Variants in KIF26B observed in about 807,000 individuals in gnomAD.
The protein encoded by KIF26B is kinesin-like protein KIF26B.
Under a neutral mutation model 151.2 loss-of-function variants are expected in KIF26B, and 63 were observed. That is an observed-to-expected ratio of 0.42 (90% CI 0.34 to 0.51). The LOEUF (loss-of-function observed/expected upper bound fraction) is 0.51, where lower values mean the gene tolerates loss of function less well. Among genes scored for constraint, KIF26B ranks in the 20% least tolerant of loss-of-function variants. The pLI is 0.07. For missense variants in KIF26B, 2,813 were observed against 2,913.6 expected (o/e 0.97, Z 0.79); for synonymous variants, 1,357 against 1,262.1 (o/e 1.08, Z -1.59).
At chr1:245,435,805 G>T (rs1572060081) in intron 4 of KIF26B, among the ~76,000 whole-genome samples, 1 of 152,188 alleles carries the variant, frequency 6.6e-6, no homozygotes, top group Non-Finnish European at 1.5e-5. Flanking sequence ...CTTCCTGCTA[G>T]CCACTGCTCC....
chr1:245,169,337 GTGT>G lies in KIF26B; in HGVS notation c.465+12655_465+12657del, dbSNP rs1558331914. 2.0e-3 allele frequency among the ~76,000 whole-genome samples: 303 copies of G among 151,710 alleles called. 4 individuals carry two copies. Among genetic ancestry groups the G allele is most frequent in the Middle Eastern group, 3.4e-3 (1 of 294 alleles). On this transcript the variant is annotated intron_variant, in intron 2 of 14. Transcript: ENST00000407071. ...CTTTCTAACGGGCCATGGTGTGTGTGTGTGTGTGTGTGTGTGTGTGTGTGTGCG... is the reference window on the plus strand; with the variant it reads ...CTTTCTAACGGGCCATGGTGTGTGTGGTGTGTGTGTGTGTGTGTGTGTGCG...
chr1:245,356,388 T>G (rs1315177947), intron 2 of KIF26B, among the ~76,000 whole-genome samples: 1 of 152,066 alleles, frequency 6.6e-6, no homozygotes, highest in Non-Finnish European at 1.5e-5. Context: ...AAACTCCGTC[T>G]CTACTAAAAG....
intron 4 of KIF26B, among the ~76,000 whole-genome samples, chr1:245,485,922 T>C (rs1248636811): frequency 6.6e-6 from 1 of 152,224 alleles, no homozygotes; most frequent in East Asian, 1.9e-4. Context: ...TCTTGGTCAA[T>C]AGTCAGTTTG....
At chr1:245,623,485 A>T (rs58710065) in intron 9 of KIF26B, among the ~76,000 whole-genome samples, 1 of 152,166 alleles carries the variant, frequency 6.6e-6, no homozygotes, top group Non-Finnish European at 1.5e-5. Context: ...CGATCCATTC[A>T]TCTCTTGATG....
chr1:245,213,544 T>C (rs746906839), intron 2 of KIF26B, among the ~76,000 whole-genome samples: 1 of 151,950 alleles, frequency 6.6e-6, no homozygotes, highest in Admixed American at 6.6e-5. Context: ...GGAAGAGAGA[T>C]GGGAGGACAG....
At chr1:245,290,290 A>G (rs1671234828) in intron 2 of KIF26B, among the ~76,000 whole-genome samples, 1 of 152,196 alleles carries the variant, frequency 6.6e-6, no homozygotes, top group African/African-American at 2.4e-5. Flanking sequence ...AGGAGTTCCG[A>G]TCCAGACTCC....
At chr1:245,675,877 C>A (rs1404411204) in intron 10 of KIF26B, among the ~76,000 whole-genome samples, 1 of 151,988 alleles carries the variant, frequency 6.6e-6, no homozygotes, top group Non-Finnish European at 1.5e-5. Context: ...AAGCCAGTGG[C>A]CATGGGTTAG....
rs2043413095 is a variant in KIF26B at position 245,602,891 on chromosome 1, G to A, written c.1557+108G>A. The A allele has an allele frequency of 5.1e-6, 5 of 976,060 alleles. No homozygotes were observed. The highest frequency in any genetic ancestry group is 3.2e-6 in the Non-Finnish European group (2 of 619,306). 60.5% of individuals were successfully genotyped at this position (976,060 alleles called of 1,614,324 possible). A position where few individuals can be genotyped will look rare whatever the true frequency, so the allele number is the denominator to read the frequency against. On this transcript the variant is annotated intron_variant, in intron 6 of 14. Transcript: ENST00000407071. This position sits in a 1 kb window ranked among gnomAD's most constrained non-coding sequence, Gnocchi z 4.5. ...AGGGTGTCTTCTGGAGCATTCTGAT[G>A]GACCAGTTCCTTCAGGAGTCAATCT...
intron 3 of KIF26B, among the ~76,000 whole-genome samples, chr1:245,382,271 C>T (rs1673429255): frequency 6.6e-6 from 1 of 152,150 alleles, no homozygotes; most frequent in African/African-American, 2.4e-5. Flanking sequence ...TGTGAGGTGG[C>T]ATCTCATTGT....
chr1:245,409,354 C>T (rs1572047880), intron 3 of KIF26B, among the ~76,000 whole-genome samples: 1 of 152,144 alleles, frequency 6.6e-6, no homozygotes, highest in Non-Finnish European at 1.5e-5. Context: ...CAGCCCTGCC[C>T]CTTTATCTTC....
In KIF26B at chr1:245,639,636, G is replaced by A. The variant is rs115840893; in HGVS notation, c.2099-6485G>A. On this transcript the variant is annotated intron_variant, in intron 9 of 14. Coordinates refer to ENST00000407071, the MANE Select transcript of KIF26B (RefSeq NM_018012.4). ...ACTTTCCATTAGTGCTACTTTTTCT[G>A]TATCCCGTGGGTTCTGGCATATTGT... Among the ~76,000 whole-genome samples, 739 of 151,832 alleles carry A rather than the reference G, an allele frequency of 4.9e-3. 3 individuals carry two copies. Among genetic ancestry groups the A allele is most frequent in the African/African-American group, 0.016 (684 of 41,484 alleles).
chr1:245,282,915 G>T, intron 2 of KIF26B: 1 of 311,988 alleles, frequency 3.2e-6, no homozygotes. Context: ...TTCCCATTTT[G>T]TCATTTTGGG....
intron 10 of KIF26B, among the ~76,000 whole-genome samples, chr1:245,647,643 C>G (rs1363110761): frequency 6.6e-6 from 1 of 152,018 alleles, no homozygotes; most frequent in East Asian, 1.9e-4. Flanking sequence ...CCTACAAAAC[C>G]TACGTTGCTG....
At chr1:245,155,705 C>A (rs2103514522) in intron 1 of KIF26B, among the ~76,000 whole-genome samples, 1 of 152,368 alleles carries the variant, frequency 6.6e-6, no homozygotes, top group South Asian at 2.1e-4. Context: ...CTCGTTCCTT[C>A]CTTTCCACGC....
At chr1:245,416,292 A>AAAAAG (rs372611957) in intron 3 of KIF26B, among the ~76,000 whole-genome samples, 18,744 of 142,866 alleles carry the variant, frequency 0.13, 1,454 homozygotes, top group East Asian at 0.18. Flanking sequence ...AAAAAAAAAA[A>AAAAAG]AAAAAAAGAA....
chr1:245,558,371 GACAC>G (rs1204479508), intron 5 of KIF26B, among the ~76,000 whole-genome samples: 1 of 152,210 alleles, frequency 6.6e-6, no homozygotes, highest in Admixed American at 6.5e-5. Flanking sequence ...CTGCAAAGAG[GACAC>G]ACTTTCTCTC....
At chr1:245,455,436 G>A (rs907401205) in intron 4 of KIF26B, among the ~76,000 whole-genome samples, 19 of 151,964 alleles carry the variant, frequency 1.3e-4, no homozygotes, top group Admixed American at 3.3e-4. Context: ...CCCGGGAGGC[G>A]GAGGTTGCAG....
At chr1:245,675,028 A>C (rs1250990959) in intron 10 of KIF26B, among the ~76,000 whole-genome samples, 1 of 152,226 alleles carries the variant, frequency 6.6e-6, no homozygotes, top group African/African-American at 2.4e-5. Flanking sequence ...GGACTCACAG[A>C]ATTCACGGAA....
At chr1:245,536,119 G>C (rs536753199) in intron 4 of KIF26B, among the ~76,000 whole-genome samples, 1 of 152,202 alleles carries the variant, frequency 6.6e-6, no homozygotes, top group Non-Finnish European at 1.5e-5. Flanking sequence ...AGTCAGAAAG[G>C]CCTCAGGATT....
Sources: gnomAD v4.1 joint callset for allele counts (sites outside exome capture counted in the v4.1 genomes callset) on GRCh38, gnomAD v4.1.1 for gene constraint, Gnocchi (gnomAD v3.1) non-coding constraint, MANE v1.5 for transcripts, NCBI Gene and HGNC (gene_info 2026-07-23, HGNC 2026-07-21) for gene names.